The following HCRTR2 variants were observed in gnomAD, a reference collection of about 807,000 sequenced individuals.
HCRTR2 encodes orexin receptor type 2.
A neutral mutation model predicts 49.0 loss-of-function variants in HCRTR2; 22 were observed. That is an observed-to-expected ratio of 0.45 (90% CI 0.32 to 0.64). The LOEUF (loss-of-function observed/expected upper bound fraction) is 0.64. Among genes scored for constraint, HCRTR2 ranks in the 30% least tolerant of loss-of-function variants. The probability of loss-of-function intolerance (pLI) is 0.04; values close to 1 mark genes in which losing one functional copy is unlikely to be tolerated. For synonymous variants in HCRTR2, 236 were observed against 205.3 expected (o/e 1.15, Z -1.28); for missense variants, 491 against 559.4 (o/e 0.88, Z 1.23).
At chr6:55,134,610 C>A (rs1764408809) in intron 1 of HCRTR2, among the ~76,000 whole-genome samples, 1 of 151,800 alleles carries the variant, frequency 6.6e-6, no homozygotes, top group Non-Finnish European at 1.5e-5. Context: ...TATCTTTTGA[C>A]CAACATCTCC....
chr6:55,267,284 A>T (rs1244760085), intron 4 of HCRTR2, among the ~76,000 whole-genome samples: 1 of 152,116 alleles, frequency 6.6e-6, no homozygotes. Flanking sequence ...TGAATTAGTA[A>T]GTGTAAGATT....
chr6:55,132,585 A>G (rs1183194158), intron 1 of HCRTR2, among the ~76,000 whole-genome samples: 2 of 151,840 alleles, frequency 1.3e-5, no homozygotes, highest in East Asian at 3.9e-4. Flanking sequence ...GGAGACATAG[A>G]TTATAAACAG....
intron 1 of HCRTR2, among the ~76,000 whole-genome samples, chr6:55,190,315 T>C (rs1765294647): frequency 6.6e-6 from 1 of 152,158 alleles, no homozygotes; most frequent in African/African-American, 2.4e-5. Context: ...GATTGCCTTA[T>C]GGGTATAAGA....
At chr6:55,209,751 G>A (rs1562007799) in intron 1 of HCRTR2, among the ~76,000 whole-genome samples, 1 of 151,988 alleles carries the variant, frequency 6.6e-6, no homozygotes, top group Non-Finnish European at 1.5e-5. Flanking sequence ...TTTAAAGTAG[G>A]TTTTCATATT....
intron 1 of HCRTR2, among the ~76,000 whole-genome samples, chr6:55,120,978 G>C (rs951876822): frequency 6.6e-6 from 1 of 152,016 alleles, no homozygotes; most frequent in African/African-American, 2.4e-5. Flanking sequence ...GGTTCCATAT[G>C]AACTTTAAAG....
In HCRTR2 at chr6:55,270,102, AACCACCAAAG is replaced by A. The variant is rs1766944648; in HGVS notation, c.762+6282_762+6291del. Among the ~76,000 whole-genome samples, 3 of 152,328 alleles carry A rather than the reference AACCACCAAAG, an allele frequency of 2.0e-5. No individual in the cohort carries two copies. The East Asian group carries it at 5.8e-4, about 29-fold the overall frequency. On this transcript the variant is annotated intron_variant, in intron 4 of 6. Coordinates refer to ENST00000370862, the MANE Select transcript of HCRTR2 (RefSeq NM_001384272.1). ...ACTGTATTGCTGAGGATTCTAACAT[AACCACCAAAG>A]ATCCAGGGAGAAAATTACCCTATTT... is the stretch of plus-strand genomic sequence containing the variant.
chr6:55,181,435 C>G (rs1342808404), intron 1 of HCRTR2, among the ~76,000 whole-genome samples: 2 of 152,064 alleles, frequency 1.3e-5, no homozygotes, highest in Non-Finnish European at 2.9e-5. Context: ...ACAAATTGCT[C>G]AAAATAAATG....
intron 3 of HCRTR2, among the ~76,000 whole-genome samples, chr6:55,261,286 A>G (rs1278103183): frequency 6.6e-6 from 1 of 152,218 alleles, no homozygotes; most frequent in East Asian, 1.9e-4. Flanking sequence ...AAGAACATGA[A>G]TAGACAATTC....
chr6:55,278,953 A>G (rs1350057247), intron 5 of HCRTR2, among the ~76,000 whole-genome samples: 1 of 151,532 alleles, frequency 6.6e-6, no homozygotes, highest in Non-Finnish European at 1.5e-5. Context: ...ACGTATTTGG[A>G]TTTCCTGTAT....
chr6:55,283,933 A>G (rs534190384), downstream of HCRTR2, among the ~76,000 whole-genome samples: 1 of 152,282 alleles, frequency 6.6e-6, no homozygotes, highest in East Asian at 1.9e-4. Flanking sequence ...CTTCTTATAC[A>G]AGGTTTATTG....
chr6:55,246,664 T>C (rs1241436058), intron 1 of HCRTR2, among the ~76,000 whole-genome samples: 1 of 152,098 alleles, frequency 6.6e-6, no homozygotes, highest in African/African-American at 2.4e-5. Flanking sequence ...ATTGAAGACC[T>C]AGTACTTAGT....
chr6:55,277,455 C>G lies in HCRTR2; in HGVS notation c.838C>G (p.Gln280Glu). The G allele has an allele frequency of 6.2e-7, 1 of 1,614,106 alleles. No homozygotes were observed. The highest frequency in any genetic ancestry group is 8.5e-7 in the Non-Finnish European group (1 of 1,180,002). The change falls in exon 5 of 7, where the codon CAG becomes GAG. Residue 280 changes from glutamine (Q) to glutamate (E), a missense_variant. Transcript: ENST00000370862. ...QPVSQPRGPG[Q>E]PTKSRMSAVA... ...TGTTTCACAGCCTCGAGGGCCAGGA[C>G]AGCCAACGAAGTCCCGGATGAGCGC... is the stretch of plus-strand genomic sequence containing the variant.
chr6:55,180,324 C>A (rs974505774), intron 1 of HCRTR2, among the ~76,000 whole-genome samples: 1 of 152,220 alleles, frequency 6.6e-6, no homozygotes, highest in Admixed American at 6.5e-5. Flanking sequence ...CTGCCTCTTT[C>A]CTTAGCTTCT....
intron 1 of HCRTR2, among the ~76,000 whole-genome samples, 197 bp from the exon 2 acceptor site, chr6:55,248,442 G>A (rs1766486309): frequency 6.6e-6 from 1 of 152,120 alleles, no homozygotes; most frequent in African/African-American, 2.4e-5. Context: ...GAAATGTCAT[G>A]CAAGGTAAAT....
At chr6:55,274,898 G>A (rs1050152149) in intron 4 of HCRTR2, among the ~76,000 whole-genome samples, 29 of 152,072 alleles carry the variant, frequency 1.9e-4, no homozygotes, top group African/African-American at 6.8e-4. Flanking sequence ...TTAAAAGTCT[G>A]AACAAGATTG....
At chr6:55,136,413 T>C (rs1764434669) in intron 1 of HCRTR2, among the ~76,000 whole-genome samples, 1 of 152,158 alleles carries the variant, frequency 6.6e-6, no homozygotes, top group Non-Finnish European at 1.5e-5. Flanking sequence ...TTTTATTTAC[T>C]TTGTCTGTGG....
At chr6:55,269,675 C>T (rs1766933952) in intron 4 of HCRTR2, among the ~76,000 whole-genome samples, 3 of 152,130 alleles carry the variant, frequency 2.0e-5, no homozygotes, top group Non-Finnish European at 4.4e-5. Context: ...TAAGAGACTT[C>T]ATCCAGGCTT....
chr6:55,144,421 C>CTCTT (rs962093275), intron 1 of HCRTR2, among the ~76,000 whole-genome samples: 48 of 152,074 alleles, frequency 3.2e-4, no homozygotes, highest in African/African-American at 1.1e-3. Flanking sequence ...ACCATGACAG[C>CTCTT]TCTTTCTCTG....
chr6:55,252,995 T>C (rs1766582062), intron 2 of HCRTR2, among the ~76,000 whole-genome samples: 1 of 152,012 alleles, frequency 6.6e-6, no homozygotes, highest in Non-Finnish European at 1.5e-5. Flanking sequence ...CTATTAATCA[T>C]CCACATTTTA....
Sources: allele counts gnomAD v4.1 joint callset (sites outside exome capture counted in the v4.1 genomes callset), GRCh38; gene constraint gnomAD v4.1.1; transcripts MANE v1.5; gene names NCBI Gene and HGNC (gene_info 2026-07-23, HGNC 2026-07-21).